The following TENM2 variants were observed in gnomAD, a reference collection of about 807,000 sequenced individuals.
TENM2 encodes the protein teneurin transmembrane protein 2.
Under a neutral mutation model 245.2 loss-of-function variants are expected in TENM2, and 52 were observed. The ratio of observed to expected loss-of-function variants is 0.21; its 90% CI spans 0.17 to 0.27. The LOEUF is 0.27. TENM2 is among the 10% of genes least tolerant of loss of function. The pLI is 1.00. For missense variants in TENM2, 3,046 were observed against 3,666.8 expected, an observed-to-expected ratio of 0.83 and a Z score of 4.37; for synonymous variants, 1,363 against 1,438.9, an observed-to-expected ratio of 0.95 and a Z score of 1.19.
intron 2 of TENM2, among the ~76,000 whole-genome samples, chr5:167,774,781 G>A (rs1763644887): frequency 6.6e-6 from 1 of 152,112 alleles, no homozygotes; most frequent in Non-Finnish European, 1.5e-5. Context: ...GAATTTCGAG[G>A]ACTGTCAGCA....
chr5:167,420,872 T>G (rs996000880), intron 2 of TENM2, among the ~76,000 whole-genome samples: 5 of 152,168 alleles, frequency 3.3e-5, no homozygotes, highest in Admixed American at 2.0e-4. Context: ...CTAAGCCTGA[T>G]ATGTTGCACA....
At chr5:167,857,105 A>G (rs1771161607) in intron 2 of TENM2, among the ~76,000 whole-genome samples, 1 of 152,188 alleles carries the variant, frequency 6.6e-6, no homozygotes, top group South Asian at 2.1e-4. Flanking sequence ...TGTTCATTGA[A>G]TGAACTACAG....
At chr5:167,466,239 C>G (rs144539661) in intron 2 of TENM2, among the ~76,000 whole-genome samples, 76 of 152,306 alleles carry the variant, frequency 5.0e-4, no homozygotes, top group East Asian at 4.8e-3. Context: ...AATTCCTCCT[C>G]CTCCACTCCT....
At chr5:167,626,267 GC>G (rs1778493013) in intron 2 of TENM2, among the ~76,000 whole-genome samples, 1 of 148,830 alleles carries the variant, frequency 6.7e-6, no homozygotes, top group Admixed American at 6.7e-5. Context: ...TGATCAGAAG[GC>G]CACCGAGAGA....
At chr5:167,197,505 G>C in the TENM2 span, among the ~76,000 whole-genome samples, 2 of 151,956 alleles carry the variant, frequency 1.3e-5, no homozygotes, top group African/African-American at 4.8e-5. Flanking sequence ...CTTTTTCCTG[G>C]GGCTGATAGA....
At chr5:167,710,407 G>A (rs1054028556) in intron 2 of TENM2, among the ~76,000 whole-genome samples, 1 of 152,148 alleles carries the variant, frequency 6.6e-6, no homozygotes, top group African/African-American at 2.4e-5. Context: ...GGGCAGAGGA[G>A]CCCTGGGAGC....
intron 2 of TENM2, among the ~76,000 whole-genome samples, chr5:167,869,404 A>T (rs1029267777): frequency 4.6e-5 from 7 of 152,188 alleles, no homozygotes; most frequent in African/African-American, 1.7e-4. Context: ...CTGAGTTCAA[A>T]TCTTGATTCT....
chr5:167,319,477 C>T (rs901538837), intron 1 of TENM2, among the ~76,000 whole-genome samples: 1 of 152,054 alleles, frequency 6.6e-6, no homozygotes, highest in Non-Finnish European at 1.5e-5. Context: ...CCCATACAAC[C>T]TAGGATAGCT....
chr5:167,026,336 A>G, the TENM2 span, among the ~76,000 whole-genome samples: 1 of 152,324 alleles, frequency 6.6e-6, no homozygotes, highest in Admixed American at 6.5e-5. Flanking sequence ...CTGGCAACAC[A>G]AGGCCTGCGT....
At chr5:168,137,824 A>T (rs529168649) in intron 12 of TENM2, among the ~76,000 whole-genome samples, 1 of 152,310 alleles carries the variant, frequency 6.6e-6, no homozygotes, top group Admixed American at 6.5e-5. Context: ...ATATGAACTG[A>T]TTTAACTTTT....
intron 7 of TENM2, among the ~76,000 whole-genome samples, chr5:168,063,096 A>G (rs1243610803): frequency 6.6e-6 from 1 of 152,212 alleles, no homozygotes; most frequent in Non-Finnish European, 1.5e-5. Context: ...GGGGTTAATC[A>G]CTGGGTACTT....
chr5:167,401,101 A>C (rs1762343755), intron 2 of TENM2, among the ~76,000 whole-genome samples: 1 of 152,076 alleles, frequency 6.6e-6, no homozygotes, highest in African/African-American at 2.4e-5. Context: ...CTTAAAAAAT[A>C]AAGAAATTTT....
chr5:167,974,021 GAGGAAGGAAGGA>G (rs1242975242), intron 4 of TENM2, among the ~76,000 whole-genome samples: 1 of 64,242 alleles, frequency 1.6e-5, no homozygotes, highest in Non-Finnish European at 2.5e-5. Context: ...GGGAGGGAGG[GAGGAAGGAAGGA>G]AGGAGAAGGA....
the TENM2 span, among the ~76,000 whole-genome samples, chr5:167,030,467 C>T: frequency 6.6e-6 from 1 of 152,126 alleles, no homozygotes; most frequent in Non-Finnish European, 1.5e-5. Flanking sequence ...TTACCCCCAG[C>T]GCTTTCTCTC....
chr5:167,596,845 T>C (rs930085598), intron 2 of TENM2, among the ~76,000 whole-genome samples: 8 of 151,186 alleles, frequency 5.3e-5, no homozygotes, highest in African/African-American at 1.7e-4. Context: ...CATCAAGAGA[T>C]AACTCTTCTT....
At chr5:167,455,322 C>G (rs1454740258) in intron 2 of TENM2, among the ~76,000 whole-genome samples, 2 of 152,178 alleles carry the variant, frequency 1.3e-5, no homozygotes, top group Non-Finnish European at 2.9e-5. Context: ...GAAAATGCAG[C>G]TCTTCTTTGA....
At chr5:168,039,229 C>T (rs369203758) in intron 5 of TENM2, among the ~76,000 whole-genome samples, 2 of 152,190 alleles carry the variant, frequency 1.3e-5, no homozygotes, top group African/African-American at 4.8e-5. Flanking sequence ...TGGCCGCGTG[C>T]CACGTGCAGC....
At chr5:168,260,253 A>C (rs925112360) in intron 27 of TENM2, 30 bp from the exon 30 acceptor site, 7 of 1,612,782 alleles carry the variant, frequency 4.3e-6, no homozygotes, top group Non-Finnish European at 5.9e-6. Context: ...TCATGATTTC[A>C]GAAACCTTTA....
At position 167,507,294 on chromosome 5, in the gene TENM2, G is replaced by T. The variant is rs543005905; in HGVS notation, c.502+131821G>T. ...TTTTAGAGGAAGCATCTCATTAGCC[G>T]TGGGTTAGAAAATCAACTCTCTGTG... On this transcript the variant is annotated intron_variant, in intron 2 of 28. Transcript: ENST00000518659. Among the ~76,000 whole-genome samples, 4 of 152,238 alleles carry T rather than the reference G, an allele frequency of 2.6e-5. No homozygotes were observed. The East Asian group carries it at 5.8e-4, about 22-fold the overall frequency.
Sources: allele counts gnomAD v4.1 joint callset (sites outside exome capture counted in the v4.1 genomes callset), GRCh38; gene constraint gnomAD v4.1.1; transcripts MANE v1.5; gene names NCBI Gene and HGNC (gene_info 2026-07-23, HGNC 2026-07-21).